CSNK2A2: variants seen among roughly 807,000 people sequenced by gnomAD.
CSNK2A2 encodes casein kinase 2 alpha 2.
In CSNK2A2, 8 loss-of-function variants were observed where a neutral mutation model predicts 54.0. The observed-to-expected ratio is 0.15, with a 90% CI of 0.09 to 0.27. CSNK2A2 has a LOEUF of 0.27. Among genes scored for constraint, CSNK2A2 ranks in the 10% least tolerant of loss-of-function variants. The pLI, the probability that CSNK2A2 is intolerant of heterozygous loss-of-function variation, is 1.00. For synonymous variants in CSNK2A2, 141 were observed against 153.9 expected, an observed-to-expected ratio of 0.92 and a Z score of 0.62; for missense variants, 242 against 439.4, an observed-to-expected ratio of 0.55 and a Z score of 4.02.
Position 58,158,164 on chromosome 16 carries a change from G to A in CSNK2A2, c.*207C>T, listed in dbSNP as rs147830156. 6.5e-6 allele frequency: 1 copy of A among 152,782 alleles called. No individual in the cohort carries two copies. Among genetic ancestry groups the A allele is most frequent in the African/African-American group, 2.4e-5 (1 of 41,574 alleles). The allele number at this position is 152,782 out of a possible 1,614,324, so 9.5% of individuals were successfully genotyped here. On this transcript the variant is annotated 3_prime_UTR_variant, in exon 12 of 12. Transcript: ENST00000262506. ...GAAGTCAACAGGAAGCCAAAGGCAAGTGAGCCTTTTACATTCGGAAGTGAG... is the reference window on the plus strand; with the variant it reads ...GAAGTCAACAGGAAGCCAAAGGCAAATGAGCCTTTTACATTCGGAAGTGAG...
intron 11 of CSNK2A2, chr16:58,163,486 G>A (rs893758814): frequency 2.0e-5 from 3 of 151,714 alleles, no homozygotes; most frequent in Admixed American, 6.6e-5. Context: ...AATCCACTTG[G>A]AGGAAAACTG....
intron 2 of CSNK2A2, 58 bp downstream of exon 2, chr16:58,196,675 T>C (rs1962461382): frequency 2.9e-6 from 3 of 1,049,212 alleles, no homozygotes; most frequent in South Asian, 2.5e-5. Context: ...CTGGGGTACC[T>C]TACAAACTTT....
chr16:58,184,930 A>G (rs921417493), intron 3 of CSNK2A2, among the ~76,000 whole-genome samples: 2 of 152,170 alleles, frequency 1.3e-5, no homozygotes, highest in Admixed American at 6.5e-5. Context: ...ACCATTAAAG[A>G]TTGTCTCATC....
intron 4 of CSNK2A2, among the ~76,000 whole-genome samples, chr16:58,183,465 T>TTAG (rs1962115562): frequency 6.6e-6 from 1 of 152,122 alleles, no homozygotes; most frequent in African/African-American, 2.4e-5. Flanking sequence ...AACTGCTGAT[T>TTAG]TAGTTTTGTC....
At chr16:58,164,745 C>T (rs568188819) in intron 10 of CSNK2A2, among the ~76,000 whole-genome samples, 1 of 152,278 alleles carries the variant, frequency 6.6e-6, no homozygotes, top group South Asian at 2.1e-4. Flanking sequence ...AGGCTGAAGG[C>T]TTTTCCATTT....
intron 5 of CSNK2A2, among the ~76,000 whole-genome samples, chr16:58,169,529 A>C (rs1961676206): frequency 6.6e-6 from 1 of 151,226 alleles, no homozygotes; most frequent in Non-Finnish European, 1.5e-5. Context: ...GGCAGTGGGG[A>C]GGGGGGTGTG....
At chr16:58,185,254 G>C (rs1445130216) in intron 3 of CSNK2A2, among the ~76,000 whole-genome samples, 1 of 152,154 alleles carries the variant, frequency 6.6e-6, no homozygotes, top group Non-Finnish European at 1.5e-5. Context: ...GGACAACTCA[G>C]AGTCCAAACA....
At position 58,196,950 on chromosome 16, in the gene CSNK2A2, T is replaced by C. The variant is rs901486443; in HGVS notation, c.105-106A>G. On this transcript the variant is annotated intron_variant, in intron 1 of 11. Transcript: ENST00000262506. ...CTTCCACCAGGCAAACACTTGGAAG[T>C]GTCTATACATCACGTCACAACTCAT... is the stretch of plus-strand genomic sequence containing the variant. 4 of 777,048 alleles carry C rather than the reference T, an allele frequency of 5.1e-6. No individual in the cohort carries two copies. In the African/African-American group the frequency reaches 6.8e-5, roughly 13 times the overall value. The allele number at this position is 777,048 out of a possible 1,614,324, so 48.1% of individuals were successfully genotyped here.
intron 5 of CSNK2A2, among the ~76,000 whole-genome samples, chr16:58,171,101 T>G (rs2731753): frequency 1.3e-5 from 2 of 151,720 alleles, no homozygotes; most frequent in South Asian, 2.1e-4. Context: ...ACTAGACTCT[T>G]GAGGACACTT....
intron 4 of CSNK2A2, among the ~76,000 whole-genome samples, chr16:58,175,620 TAA>T (rs1961857184): frequency 6.6e-6 from 1 of 152,222 alleles, no homozygotes. Context: ...TACAGGGGAA[TAA>T]AAGAGACTTT....
intron 11 of CSNK2A2, chr16:58,161,734 G>C (rs1375700225): frequency 6.6e-6 from 1 of 152,232 alleles, no homozygotes; most frequent in Admixed American, 6.5e-5. Context: ...GAAAGGAATA[G>C]CCTAGGTGCC....
intron 2 of CSNK2A2, among the ~76,000 whole-genome samples, 162 bp from the exon 3 acceptor site, chr16:58,187,018 G>T (rs950046368): frequency 6.6e-6 from 1 of 151,936 alleles, no homozygotes; most frequent in African/African-American, 2.4e-5. Flanking sequence ...GAATGGGCTT[G>T]CCCATAAGAA....
At chr16:58,180,005 G>A (rs2142432123) in intron 4 of CSNK2A2, among the ~76,000 whole-genome samples, 1 of 151,666 alleles carries the variant, frequency 6.6e-6, no homozygotes, top group Admixed American at 6.6e-5. Flanking sequence ...CTTGAACCCA[G>A]GAGGCGGAGG....
At chr16:58,191,842 G>A (rs898489022) in intron 2 of CSNK2A2, among the ~76,000 whole-genome samples, 4 of 152,056 alleles carry the variant, frequency 2.6e-5, no homozygotes, top group African/African-American at 9.7e-5. Context: ...CTCAGGCCAG[G>A]CACTGTTTTA....
intron 4 of CSNK2A2, among the ~76,000 whole-genome samples, chr16:58,182,203 G>A (rs1311963146): frequency 2.0e-5 from 3 of 151,872 alleles, no homozygotes; most frequent in African/African-American, 4.8e-5. Context: ...ATCTTCAGCA[G>A]TTGTTAAATC....
chr16:58,163,158 TG>T (rs1335784324), intron 11 of CSNK2A2: 1 of 145,650 alleles, frequency 6.9e-6, no homozygotes, highest in Non-Finnish European at 1.5e-5. Context: ...GTTATGGTTG[TG>T]AACAAAAAGG....
intron 5 of CSNK2A2, among the ~76,000 whole-genome samples, chr16:58,171,615 A>G (rs1961738353): frequency 6.6e-6 from 1 of 151,946 alleles, no homozygotes; most frequent in Non-Finnish European, 1.5e-5. Context: ...ACAGAAGAAC[A>G]CAAGAGAGCC....
intron 11 of CSNK2A2, chr16:58,163,662 G>A (rs370475682): frequency 1.9e-5 from 3 of 155,172 alleles, no homozygotes; most frequent in African/African-American, 7.2e-5. Context: ...TAAGACTTGA[G>A]CCTGAATTTC....
intron 3 of CSNK2A2, 38 bp downstream of exon 3, chr16:58,186,717 G>C (rs201618369): frequency 6.9e-7 from 1 of 1,452,252 alleles, no homozygotes; most frequent in Non-Finnish European, 9.6e-7. Flanking sequence ...TCCACACCCC[G>C]GTCTACTAGT....
Sources: gnomAD v4.1 joint callset for allele counts (sites outside exome capture counted in the v4.1 genomes callset) on GRCh38, gnomAD v4.1.1 for gene constraint, MANE v1.5 for transcripts, NCBI Gene and HGNC (gene_info 2026-07-23, HGNC 2026-07-21) for gene names.